Variants in TSHZ1 observed in about 807,000 individuals in gnomAD.
TSHZ1 encodes the protein teashirt homolog 1.
In TSHZ1, 12 loss-of-function variants were observed where a neutral mutation model predicts 67.1. That is an observed-to-expected ratio of 0.18 (90% CI 0.11 to 0.29). The LOEUF (loss-of-function observed/expected upper bound fraction) is 0.29. Among genes scored for constraint, TSHZ1 ranks in the 10% least tolerant of loss-of-function variants. The pLI is 1.00. For synonymous variants in TSHZ1, 632 were observed against 622.4 expected, an observed-to-expected ratio of 1.02 and a Z score of -0.23; for missense variants, 1,305 against 1,413.9, an observed-to-expected ratio of 0.92 and a Z score of 1.23.
In TSHZ1 at chr18:75,211,853, C is replaced by A; in HGVS notation, c.-24C>A. On this transcript the variant is annotated 5_prime_UTR_variant, in exon 1 of 2. Coordinates refer to ENST00000580243, the MANE Select transcript of TSHZ1 (RefSeq NM_001308210.2). Reference sequence around the variant, plus strand: ...CCGCGAACTCCGGCGGCGGCTGAGGCGACGGCTGCGGCGGCCGAGCAGCAT... The same window carrying A: ...CCGCGAACTCCGGCGGCGGCTGAGGAGACGGCTGCGGCGGCCGAGCAGCAT... The A allele has an allele frequency of 8.6e-7, 1 of 1,162,458 alleles. No individual in the cohort carries two copies. Among genetic ancestry groups the A allele is most frequent in the Non-Finnish European group, 1.1e-6 (1 of 943,796 alleles). 72.0% of individuals were successfully genotyped at this position (1,162,458 alleles called of 1,614,324 possible).
chr18:75,286,829 C>T lies in TSHZ1; in HGVS notation c.1422C>T (p.Thr474=), dbSNP rs772737105. 4 of 1,613,868 alleles carry T rather than the reference C, an allele frequency of 2.5e-6. No individual in the cohort carries two copies. The change falls in exon 2 of 2, where the codon ACC becomes ACT. Residue 474 remains threonine (T), a synonymous_variant. Transcript: ENST00000580243. The surrounding 1 kb of genome is among the most constrained non-coding windows in gnomAD (Gnocchi z 5.1). ...AGTCCATCCCACTACCGCCCACCAC[C>T]CACACGCGGCTGCCGGCCTCCAGCA... The part of the protein sequence containing the change: ...KIQSIPLPPT[T]HTRLPASSIK...
chr18:75,224,086 T>C (rs900498934), intron 1 of TSHZ1, among the ~76,000 whole-genome samples: 3 of 143,290 alleles, frequency 2.1e-5, no homozygotes, highest in Non-Finnish European at 3.1e-5. Flanking sequence ...AAAAAGATCC[T>C]CACTTTTTTT....
intron 1 of TSHZ1, among the ~76,000 whole-genome samples, chr18:75,232,636 A>G (rs530552077): frequency 2.6e-5 from 4 of 152,250 alleles, no homozygotes; most frequent in South Asian, 4.1e-4. Context: ...CGCCAGTTCT[A>G]TTTCTGGACT....
In TSHZ1 at chr18:75,287,597, G is replaced by A; in HGVS notation, c.2190G>A (p.Leu730=). The A allele has an allele frequency of 6.2e-7, 1 of 1,614,162 alleles. No homozygotes were observed. The highest frequency in any genetic ancestry group is 8.5e-7 in the Non-Finnish European group (1 of 1,180,038). Residue 730 remains leucine, a synonymous_variant, in exon 2 of 2, where the codon CTG becomes CTA. Transcript: ENST00000580243. The surrounding 1 kb of genome is among the most constrained non-coding windows in gnomAD (Gnocchi z 5.0). The part of the protein sequence containing the change: ...KAKVTNGCNN[L]GIIMDHSPEP... ...AGGTCACCAACGGCTGTAACAACCT[G>A]GGGATCATCATGGACCACTCACCGG... is the stretch of plus-strand genomic sequence containing the variant.
intron 1 of TSHZ1, among the ~76,000 whole-genome samples, chr18:75,274,452 T>C (rs371148767): frequency 9.2e-5 from 14 of 152,122 alleles, no homozygotes; most frequent in Non-Finnish European, 1.6e-4. Context: ...ATAAAAATCT[T>C]TTAGTCTAAA....
At chr18:75,237,216 C>G (rs2023084594) in intron 1 of TSHZ1, among the ~76,000 whole-genome samples, 1 of 152,136 alleles carries the variant, frequency 6.6e-6, no homozygotes, top group South Asian at 2.1e-4. Context: ...CTGTCATGTT[C>G]CATGTATGAA....
chr18:75,285,427 G>T, intron 1 of TSHZ1, 21 bp from the exon 2 acceptor site: 1 of 1,436,494 alleles, frequency 7.0e-7, no homozygotes, highest in Non-Finnish European at 9.1e-7. Context: ...CTTCTAACTG[G>T]GTTTCATTTT....
chr18:75,225,065 T>C (rs572257899), intron 1 of TSHZ1, among the ~76,000 whole-genome samples: 6 of 152,238 alleles, frequency 3.9e-5, no homozygotes, highest in African/African-American at 1.2e-4. Context: ...TTTCTACTTA[T>C]GAAATTGGAA....
At chr18:75,272,757 G>A (rs937062439) in intron 1 of TSHZ1, among the ~76,000 whole-genome samples, 2 of 152,182 alleles carry the variant, frequency 1.3e-5, no homozygotes, top group East Asian at 3.9e-4. Context: ...GTATGTTAAT[G>A]TGGGTTGTTC....
At chr18:75,254,680 A>G (rs1018517568) in intron 1 of TSHZ1, among the ~76,000 whole-genome samples, 44 of 152,350 alleles carry the variant, frequency 2.9e-4, no homozygotes, top group Admixed American at 7.8e-4. Flanking sequence ...AAGGAAAAAA[A>G]CTATAGCAAA....
chr18:75,211,692 C>A lies in TSHZ1; in HGVS notation c.-185C>A, dbSNP rs867051213. 1.5e-3 allele frequency: 245 copies of A among 159,530 alleles called. 1 individual carries two copies. Among genetic ancestry groups the A allele is most frequent in the African/African-American group, 5.6e-3 (224 of 40,288 alleles). The allele number at this position is 159,530 out of a possible 1,614,324, so 9.9% of individuals were successfully genotyped here. A position where few individuals can be genotyped will look rare whatever the true frequency, so the allele number is the denominator to read the frequency against. ...GCCGCCGCCGCCGCCTCCTGAGCGG[C>A]CCCGGGCGCGGCGGTCCATGCGAGC... On this transcript the variant is annotated 5_prime_UTR_variant, in exon 1 of 2. Coordinates refer to ENST00000580243, the MANE Select transcript of TSHZ1 (RefSeq NM_001308210.2).
chr18:75,250,088 A>T (rs764270366), intron 1 of TSHZ1, among the ~76,000 whole-genome samples: 3 of 142,334 alleles, frequency 2.1e-5, no homozygotes, highest in African/African-American at 5.4e-5. Flanking sequence ...TTCTTGCCTC[A>T]TCCCTGCAGT....
intron 1 of TSHZ1, among the ~76,000 whole-genome samples, chr18:75,247,682 G>C (rs1026673271): frequency 6.6e-6 from 1 of 152,094 alleles, no homozygotes; most frequent in Non-Finnish European, 1.5e-5. Context: ...AGTGTTCTCC[G>C]TATTTGGTAT....
At chr18:75,266,712 G>A (rs1015914756) in intron 1 of TSHZ1, among the ~76,000 whole-genome samples, 9 of 152,222 alleles carry the variant, frequency 5.9e-5, no homozygotes, top group Non-Finnish European at 1.3e-4. Context: ...AACTGTAGTT[G>A]TGGGCTCCTA....
chr18:75,242,903 G>C (rs1390537516), intron 1 of TSHZ1, among the ~76,000 whole-genome samples: 1 of 152,184 alleles, frequency 6.6e-6, no homozygotes, highest in Non-Finnish European at 1.5e-5. Context: ...TTCCAATTCT[G>C]TCTTCCTCCA....
chr18:75,280,390 A>G (rs2023670068), intron 1 of TSHZ1, among the ~76,000 whole-genome samples: 2 of 152,272 alleles, frequency 1.3e-5, no homozygotes, highest in African/African-American at 4.8e-5. Context: ...AGATTCTCTC[A>G]TTTATAACAC....
chr18:75,257,366 CAAAACAA>C (rs1010667267), intron 1 of TSHZ1, among the ~76,000 whole-genome samples: 24 of 151,834 alleles, frequency 1.6e-4, no homozygotes, highest in African/African-American at 5.8e-4. Context: ...CATCGTGTGC[CAAAACAA>C]AAAACAAAAA....
chr18:75,268,826 T>G (rs867540903), intron 1 of TSHZ1, among the ~76,000 whole-genome samples: 1 of 152,112 alleles, frequency 6.6e-6, no homozygotes, highest in Non-Finnish European at 1.5e-5. Context: ...ATATTCTTAC[T>G]GATTTAAAGG....
intron 1 of TSHZ1, among the ~76,000 whole-genome samples, chr18:75,241,326 T>C (rs2404869): frequency 0.59 from 89,507 of 151,946 alleles, 26,663 homozygotes; most frequent in South Asian, 0.71. Context: ...TAAAAGCGAT[T>C]GGTAGCCTTG....
Sources: allele counts gnomAD v4.1 joint callset (sites outside exome capture counted in the v4.1 genomes callset), GRCh38; gene constraint gnomAD v4.1.1; non-coding constraint Gnocchi (gnomAD v3.1); transcripts MANE v1.5; gene names NCBI Gene and HGNC (gene_info 2026-07-23, HGNC 2026-07-21).